The following PTPRD variants were observed in gnomAD, a reference collection of about 807,000 sequenced individuals.
The protein encoded by PTPRD is protein tyrosine phosphatase receptor type D.
In PTPRD, 34 loss-of-function variants were observed where a neutral mutation model predicts 214.5. The observed-to-expected ratio is 0.16, with a 90% CI of 0.12 to 0.21. PTPRD has a LOEUF of 0.21. Among genes scored for constraint, PTPRD ranks in the 10% least tolerant of loss-of-function variants. PTPRD has a pLI of 1.00. For missense variants in PTPRD, 2,545 were observed against 2,398.7 expected (o/e 1.06, Z -1.27); for synonymous variants, 1,128 against 845.7 (o/e 1.33, Z -5.79).
intron 7 of PTPRD, among the ~76,000 whole-genome samples, chr9:9,610,807 CAA>C (rs1264553727): frequency 6.6e-6 from 1 of 151,834 alleles, no homozygotes; most frequent in African/African-American, 2.4e-5. Context: ...AATAAGAAAA[CAA>C]AAATCATCTG....
At chr9:9,405,840 G>A (rs553704117) in intron 8 of PTPRD, among the ~76,000 whole-genome samples, 1 of 152,066 alleles carries the variant, frequency 6.6e-6, no homozygotes, top group East Asian at 1.9e-4. Flanking sequence ...GCCTTGGAAT[G>A]TGTATTGATG....
At chr9:9,581,416 C>T (rs1055940044) in intron 7 of PTPRD, among the ~76,000 whole-genome samples, 4 of 151,996 alleles carry the variant, frequency 2.6e-5, no homozygotes, top group Non-Finnish European at 4.4e-5. Flanking sequence ...TAGAAAAATG[C>T]AAATAAATGC....
intron 3 of PTPRD, among the ~76,000 whole-genome samples, chr9:10,147,541 C>A (rs1364132377): frequency 6.6e-6 from 1 of 152,064 alleles, no homozygotes; most frequent in Non-Finnish European, 1.5e-5. Flanking sequence ...TTTTTCCCAG[C>A]CAGAAGAAAG....
intron 5 of PTPRD, among the ~76,000 whole-genome samples, chr9:9,906,218 T>C (rs2077531115): frequency 6.6e-6 from 1 of 151,910 alleles, no homozygotes; most frequent in African/African-American, 2.4e-5. Flanking sequence ...ACCAGTTTCA[T>C]GACATATTTG....
At chr9:9,733,716 G>C (rs1443464422) in intron 7 of PTPRD, among the ~76,000 whole-genome samples, 5 of 152,092 alleles carry the variant, frequency 3.3e-5, no homozygotes, top group Non-Finnish European at 5.9e-5. Flanking sequence ...TATGGAAAGG[G>C]TCACTGCGTC....
chr9:9,964,795 A>T (rs186035632), intron 4 of PTPRD, among the ~76,000 whole-genome samples: 1 of 152,282 alleles, frequency 6.6e-6, no homozygotes, highest in Non-Finnish European at 1.5e-5. Context: ...AATGTAATAA[A>T]CTAAGGCTTA....
At chr9:8,608,936 G>A (rs979963299) in intron 14 of PTPRD, among the ~76,000 whole-genome samples, 1 of 152,080 alleles carries the variant, frequency 6.6e-6, no homozygotes. Flanking sequence ...AGAGTGATGA[G>A]ACTCAGACAG....
intron 3 of PTPRD, among the ~76,000 whole-genome samples, chr9:10,304,114 C>T (rs1433023192): frequency 6.6e-6 from 1 of 152,158 alleles, no homozygotes; most frequent in Non-Finnish European, 1.5e-5. Flanking sequence ...TCAACATATG[C>T]AAATCAATAT....
intron 11 of PTPRD, among the ~76,000 whole-genome samples, chr9:8,744,442 T>C (rs767651128): frequency 3.2e-4 from 49 of 152,184 alleles, no homozygotes; most frequent in Non-Finnish European, 6.2e-4. Context: ...TGCAGTATAC[T>C]TATACCACGG....
intron 2 of PTPRD, among the ~76,000 whole-genome samples, chr9:10,360,903 C>T (rs1273205563): frequency 1.3e-5 from 2 of 152,056 alleles, no homozygotes; most frequent in African/African-American, 4.8e-5. Context: ...GAGATCGAGG[C>T]CATCCTGGCT....
chr9:8,871,782 T>TAAC (rs1368166411), intron 11 of PTPRD, among the ~76,000 whole-genome samples: 1 of 89,628 alleles, frequency 1.1e-5, no homozygotes, highest in African/African-American at 3.1e-5. Flanking sequence ...ACAGCAATAA[T>TAAC]AATAATAATA....
intron 5 of PTPRD, among the ~76,000 whole-genome samples, chr9:9,830,049 C>T (rs920030646): frequency 5.9e-5 from 9 of 151,390 alleles, no homozygotes; most frequent in Admixed American, 2.0e-4. Context: ...AGCAAGTTTT[C>T]CTAAACATTC....
intron 11 of PTPRD, among the ~76,000 whole-genome samples, chr9:8,740,138 T>C (rs1368316703): frequency 2.6e-5 from 4 of 152,174 alleles, no homozygotes; most frequent in Non-Finnish European, 2.9e-5. Context: ...GATCAGTCTA[T>C]GACCAAACTA....
At chr9:8,492,250 G>T (rs1228629173) in intron 27 of PTPRD, among the ~76,000 whole-genome samples, 1 of 152,136 alleles carries the variant, frequency 6.6e-6, no homozygotes, top group Non-Finnish European at 1.5e-5. Context: ...GTTCAAGATG[G>T]CAGCTCTTCT....
rs906744247 is a variant in PTPRD at position 9,283,175 on chromosome 9, G to T, written c.-202-99812C>A. 2.0e-5 allele frequency among the ~76,000 whole-genome samples: 3 copies of T among 151,492 alleles called. No homozygotes were observed. In the East Asian group the frequency reaches 5.9e-4, roughly 30 times the overall value. On this transcript the variant is annotated intron_variant, in intron 9 of 45. Transcript: ENST00000381196. ...TCTGGGCAGTGAAATAAGACAGGAT[G>T]GCTTGATCTATGCTTTCTATGTGAA... is the stretch of plus-strand genomic sequence containing the variant.
At chr9:10,584,896 T>C (rs2073396032) in intron 2 of PTPRD, among the ~76,000 whole-genome samples, 1 of 152,132 alleles carries the variant, frequency 6.6e-6, no homozygotes, top group African/African-American at 2.4e-5. Flanking sequence ...TAAAGCAACA[T>C]TCATATGTTA....
chr9:10,205,546 C>A (rs1160901787), intron 3 of PTPRD, among the ~76,000 whole-genome samples: 1 of 152,004 alleles, frequency 6.6e-6, no homozygotes, highest in African/African-American at 2.4e-5. Flanking sequence ...GCTGAGATTA[C>A]AGGTGTAAGC....
intron 14 of PTPRD, among the ~76,000 whole-genome samples, chr9:8,555,733 G>A (rs1043766539): frequency 1.1e-4 from 17 of 152,214 alleles, no homozygotes; most frequent in Admixed American, 3.9e-4. Flanking sequence ...AATGAAATCT[G>A]AAGTAACAGG....
chr9:8,662,249 T>C (rs1396665341), intron 12 of PTPRD, among the ~76,000 whole-genome samples: 2 of 152,102 alleles, frequency 1.3e-5, no homozygotes, highest in African/African-American at 4.8e-5. Flanking sequence ...AAAAGGAAGA[T>C]CAAAATCGGT....
Sources: gnomAD v4.1 joint callset for allele counts (sites outside exome capture counted in the v4.1 genomes callset) on GRCh38, gnomAD v4.1.1 for gene constraint, MANE v1.5 for transcripts, NCBI Gene and HGNC (gene_info 2026-07-23, HGNC 2026-07-21) for gene names.